DDI2: variants seen among roughly 807,000 people sequenced by gnomAD.
DDI2 encodes protein DDI1 homolog 2.
Under a neutral mutation model 48.1 loss-of-function variants are expected in DDI2, and 5 were observed. The ratio of observed to expected loss-of-function variants is 0.10; its 90% confidence interval spans 0.05 to 0.22. DDI2 has a LOEUF of 0.22. Among genes scored for constraint, DDI2 ranks in the 10% least tolerant of loss-of-function variants. The probability of loss-of-function intolerance (pLI) is 1.00; values close to 1 mark genes in which losing one functional copy is unlikely to be tolerated. For missense variants in DDI2, 285 were observed against 506.2 expected, an observed-to-expected ratio of 0.56 and a Z score of 4.19; for synonymous variants, 205 against 183.6, an observed-to-expected ratio of 1.12 and a Z score of -0.94.
At chr1:15,618,985 C>A (rs1341699753) in intron 1 of DDI2, among the ~76,000 whole-genome samples, 3 of 152,288 alleles carry the variant, frequency 2.0e-5, no homozygotes, top group Admixed American at 1.3e-4. Flanking sequence ...AGAACCTTGG[C>A]ATAAAGCTGT....
chr1:15,649,158 G>A lies in DDI2; in HGVS notation c.890-562G>A, dbSNP rs148974421. Reference sequence around the variant, plus strand: ...GTGGGTGGATCACGTGAGGTCAGGAGTTCAAGACCAGCCTGGCTAACATGG... The same window carrying A: ...GTGGGTGGATCACGTGAGGTCAGGAATTCAAGACCAGCCTGGCTAACATGG... On this transcript the variant is annotated intron_variant, in intron 6 of 9. Transcript: ENST00000480945. 4.4e-3 allele frequency among the ~76,000 whole-genome samples: 671 copies of A among 152,192 alleles called. 28 individuals carry two copies. The highest frequency in any genetic ancestry group is 0.034 in the Admixed American group (517 of 15,288).
At chr1:15,648,020 C>T (rs1168321496) in intron 6 of DDI2, among the ~76,000 whole-genome samples, 3 of 152,116 alleles carry the variant, frequency 2.0e-5, no homozygotes, top group African/African-American at 7.2e-5. Flanking sequence ...AGTTACTTTT[C>T]TTTCATTGTA....
chr1:15,655,422 C>T (rs975106640), intron 8 of DDI2, among the ~76,000 whole-genome samples: 1 of 151,000 alleles, frequency 6.6e-6, no homozygotes, highest in Admixed American at 6.6e-5. Flanking sequence ...GATTTGAGAC[C>T]AGCCTGGGCA....
At chr1:15,657,852 G>T (rs1640294368) in intron 9 of DDI2, among the ~76,000 whole-genome samples, 1 of 152,184 alleles carries the variant, frequency 6.6e-6, no homozygotes, top group African/African-American at 2.4e-5. Flanking sequence ...AATGGGTATA[G>T]CCTAAACTGA....
intron 1 of DDI2, among the ~76,000 whole-genome samples, chr1:15,621,932 A>T (rs959332047): frequency 1.9e-4 from 29 of 152,370 alleles, no homozygotes; most frequent in African/African-American, 7.0e-4. Flanking sequence ...TTTAGATTAT[A>T]CAAGTCAAAT....
At chr1:15,620,707 T>A (rs1425324154) in intron 1 of DDI2, among the ~76,000 whole-genome samples, 1 of 152,228 alleles carries the variant, frequency 6.6e-6, no homozygotes, top group Non-Finnish European at 1.5e-5. Flanking sequence ...ATTATATACA[T>A]GAACTGATAC....
At chr1:15,651,672 A>G (rs903466042) in intron 7 of DDI2, 34 bp from the exon 8 acceptor site, 1 of 1,564,546 alleles carries the variant, frequency 6.4e-7, no homozygotes, top group African/African-American at 1.4e-5. Flanking sequence ...ATGGTGTTTT[A>G]TCTGCTATTA....
chr1:15,660,659 C>A lies in DDI2; in HGVS notation c.*869C>A, dbSNP rs775726411. The A allele has an allele frequency of 6.2e-7, 1 of 1,614,188 alleles. No individual in the cohort carries two copies. Among genetic ancestry groups the A allele is most frequent in the Non-Finnish European group, 8.5e-7 (1 of 1,180,046 alleles). On this transcript the variant is annotated 3_prime_UTR_variant, in exon 10 of 10. Transcript: ENST00000480945. ...CAGTCCCTAGTTACTTTGCTTAATT[C>A]AACAGGCAGGCAGAATGCCAATGTC...
At chr1:15,628,101 G>T (rs1393869550) in intron 2 of DDI2, among the ~76,000 whole-genome samples, 3 of 151,886 alleles carry the variant, frequency 2.0e-5, no homozygotes, top group Non-Finnish European at 4.4e-5. Flanking sequence ...GGACAAGAGA[G>T]CCTGTAACAG....
In DDI2 at chr1:15,660,512, C is replaced by T. The variant is rs1040707871; in HGVS notation, c.*722C>T. On this transcript the variant is annotated 3_prime_UTR_variant, in exon 10 of 10. Transcript: ENST00000480945. Reference sequence around the variant, plus strand: ...CACAAAATTGTTGATTTGGAAGCTACGATGAAAGGAAATGGGCTCCCACAG... The same window carrying T: ...CACAAAATTGTTGATTTGGAAGCTATGATGAAAGGAAATGGGCTCCCACAG... 5.0e-6 allele frequency: 8 copies of T among 1,613,348 alleles called. No individual in the cohort carries two copies. Among genetic ancestry groups the T allele is most frequent in the Middle Eastern group, 1.6e-4 (1 of 6,080 alleles).
In DDI2 at chr1:15,660,495, T is replaced by G. The variant is rs145955439; in HGVS notation, c.*705T>G. The G allele has an allele frequency of 3.7e-6, 6 of 1,613,876 alleles. No individual in the cohort carries two copies. The highest frequency in any genetic ancestry group is 3.3e-5 in the Admixed American group (2 of 59,942). ...AAAGGCAACAGAATCAACACAAAAT[T>G]GTTGATTTGGAAGCTACGATGAAAG... On this transcript the variant is annotated 3_prime_UTR_variant, in exon 10 of 10. Transcript: ENST00000480945.
At chr1:15,632,928 TTTTAAAAAAA>T (rs1277472787) in intron 3 of DDI2, among the ~76,000 whole-genome samples, 1 of 121,510 alleles carries the variant, frequency 8.2e-6, no homozygotes, top group Non-Finnish European at 1.8e-5. Flanking sequence ...TTTTTTTTTT[TTTTAAAAAAA>T]AAAAAACAGG....
chr1:15,634,004 G>A (rs1234276400), intron 4 of DDI2: 2 of 310,108 alleles, frequency 6.4e-6, no homozygotes, highest in Admixed American at 4.4e-5. Flanking sequence ...GCTCTGCGCC[G>A]ATGGAACGTT....
chr1:15,645,919 C>A (rs559870603), intron 6 of DDI2, among the ~76,000 whole-genome samples: 1 of 151,116 alleles, frequency 6.6e-6, no homozygotes, highest in South Asian at 2.1e-4. Context: ...TGGTAAATGA[C>A]CTGGGTAGGC....
At chr1:15,641,589 T>C (rs6662091) in intron 5 of DDI2, among the ~76,000 whole-genome samples, 4,540 of 151,920 alleles carry the variant, frequency 0.03, 234 homozygotes, top group African/African-American at 0.1. Flanking sequence ...CACGGAGTGG[T>C]TTGGAAGCCA....
At chr1:15,623,782 C>T (rs1639709168) in intron 1 of DDI2, among the ~76,000 whole-genome samples, 1 of 151,942 alleles carries the variant, frequency 6.6e-6, no homozygotes. Flanking sequence ...AGTTAGTGGC[C>T]GGGCGCAGTG....
intron 9 of DDI2, among the ~76,000 whole-genome samples, chr1:15,657,336 CATA>C (rs1640287286): frequency 6.6e-6 from 1 of 152,238 alleles, no homozygotes; most frequent in Admixed American, 6.5e-5. Context: ...AAACCAGCAT[CATA>C]AGACTTTGTA....
At chr1:15,655,758 A>AG in intron 8 of DDI2, among the ~76,000 whole-genome samples, 1 of 150,858 alleles carries the variant, frequency 6.6e-6, no homozygotes. Context: ...TTCTCAAAAA[A>AG]AAAAAAAAAG....
rs756853993 is a variant in DDI2 at position 15,660,610 on chromosome 1, T to C, written c.*820T>C. 39 of 1,613,980 alleles carry C rather than the reference T, an allele frequency of 2.4e-5. No individual in the cohort carries two copies. The East Asian group carries it at 8.7e-4, about 36-fold the overall frequency. On this transcript the variant is annotated 3_prime_UTR_variant, in exon 10 of 10. Transcript: ENST00000480945. The stretch of plus-strand genomic sequence containing the variant: ...CAGTGGCTGCTCAAATTCAGAAACA[T>C]TTATGGAAATCGATACAGCTCAACA...
Sources: gnomAD v4.1 joint callset for allele counts (sites outside exome capture counted in the v4.1 genomes callset) on GRCh38, gnomAD v4.1.1 for gene constraint, MANE v1.5 for transcripts, NCBI Gene and HGNC (gene_info 2026-07-23, HGNC 2026-07-21) for gene names.